Variants in KIF15 observed in about 807,000 individuals in gnomAD.
KIF15 encodes kinesin family member 15.
In KIF15, 140 loss-of-function variants were observed where a neutral mutation model predicts 190.6. That is an observed-to-expected ratio of 0.73 (90% CI 0.64 to 0.84). The LOEUF (loss-of-function observed/expected upper bound fraction) is 0.84, where lower values mean the gene tolerates loss of function less well. Ranked by LOEUF, KIF15 falls within the 40% of genes least tolerant of loss-of-function variation. KIF15 has a pLI of 0.00. For missense variants in KIF15, 1,372 were observed against 1,584.4 expected, an observed-to-expected ratio of 0.87 and a Z score of 2.28; for synonymous variants, 528 against 551.3, an observed-to-expected ratio of 0.96 and a Z score of 0.59.
At chr3:44,835,725 A>G (rs1033778857) in intron 26 of KIF15, among the ~76,000 whole-genome samples, 3 of 152,242 alleles carry the variant, frequency 2.0e-5, no homozygotes, top group African/African-American at 7.2e-5. Context: ...CCACAAATAG[A>G]GAGCAGTGAA....
At chr3:44,811,436 A>C (rs1318484872) in intron 17 of KIF15, among the ~76,000 whole-genome samples, 1 of 152,184 alleles carries the variant, frequency 6.6e-6, no homozygotes, top group African/African-American at 2.4e-5. Flanking sequence ...ACGTGAGATC[A>C]AGAGTTTGAG....
At chr3:44,806,423 G>A (rs1282063730) in intron 16 of KIF15, among the ~76,000 whole-genome samples, 1 of 152,046 alleles carries the variant, frequency 6.6e-6, no homozygotes, top group East Asian at 1.9e-4. Flanking sequence ...ACCCTAATGG[G>A]CAAAGACCGC....
chr3:44,768,379 C>T (rs1443116869), intron 1 of KIF15, among the ~76,000 whole-genome samples: 1 of 152,080 alleles, frequency 6.6e-6, no homozygotes, highest in Non-Finnish European at 1.5e-5. Flanking sequence ...AAAAATCAGG[C>T]ACGCGGACAC....
intron 27 of KIF15, among the ~76,000 whole-genome samples, chr3:44,838,746 T>TAA (rs1698447323): frequency 8.9e-6 from 1 of 112,162 alleles, no homozygotes; most frequent in African/African-American, 3.9e-5. Flanking sequence ...AGACCCTGTC[T>TAA]CAAAAAAAAA....
chr3:44,822,900 A>G (rs1697425074), intron 20 of KIF15, among the ~76,000 whole-genome samples: 1 of 152,074 alleles, frequency 6.6e-6, no homozygotes. Context: ...CTAGTTAGCC[A>G]TTCGTCTAAT....
chr3:44,806,089 C>T, intron 16 of KIF15, 103 bp downstream of exon 16: 1 of 1,297,266 alleles, frequency 7.7e-7, no homozygotes. Flanking sequence ...GATGACATCC[C>T]ATGCAGGTAA....
intron 32 of KIF15, among the ~76,000 whole-genome samples, chr3:44,850,532 C>T (rs1413251860): frequency 6.6e-6 from 1 of 152,204 alleles, no homozygotes; most frequent in East Asian, 1.9e-4. Flanking sequence ...GCAGGCCAAA[C>T]TTCACTGCGG....
At chr3:44,864,012 ATGGGTCTGC>A (rs1171713178) in intron 6 of KIF15, 1 of 595,018 alleles carries the variant, frequency 1.7e-6, no homozygotes, top group Non-Finnish European at 2.9e-6. Context: ...TATTTGTAAG[ATGGGTCTGC>A]TGCCCACTGA....
chr3:44,860,165 C>T (rs954499748), intron 6 of KIF15, among the ~76,000 whole-genome samples: 3 of 152,114 alleles, frequency 2.0e-5, no homozygotes, highest in African/African-American at 7.2e-5. Context: ...GTAGAGGCAT[C>T]GTTTGTTCTA....
At chr3:44,856,389 A>G (rs1699189205), downstream of KIF15, among the ~76,000 whole-genome samples, 1 of 152,314 alleles carries the variant, frequency 6.6e-6, no homozygotes, top group African/African-American at 2.4e-5. Flanking sequence ...TTGAGGACAG[A>G]TTTCCACGAT....
At chr3:44,813,744 C>G (rs968170203) in intron 19 of KIF15, among the ~76,000 whole-genome samples, 3 of 151,340 alleles carry the variant, frequency 2.0e-5, no homozygotes, top group African/African-American at 7.3e-5. Flanking sequence ...GTTCTCCTGT[C>G]TCCTCCCAAG....
chr3:44,768,757 G>A (rs574745332), intron 1 of KIF15, among the ~76,000 whole-genome samples: 58 of 152,270 alleles, frequency 3.8e-4, no homozygotes, highest in African/African-American at 1.4e-3. Context: ...GAAAATGGCA[G>A]TCAGATTTCC....
chr3:44,841,690 G>A (rs578177460), intron 29 of KIF15, among the ~76,000 whole-genome samples: 21 of 152,074 alleles, frequency 1.4e-4, no homozygotes, highest in South Asian at 6.2e-4. Context: ...GAGCCACCGC[G>A]CCTGGCCAAT....
intron 3 of KIF15, among the ~76,000 whole-genome samples, chr3:44,775,738 GCCA>G (rs971586401): frequency 6.6e-6 from 1 of 151,834 alleles, no homozygotes; most frequent in Non-Finnish European, 1.5e-5. Context: ...ACAGGTGTGA[GCCA>G]CCTCGCTGGA....
intron 6 of KIF15, chr3:44,862,190 C>T: frequency 4.9e-6 from 2 of 411,496 alleles, no homozygotes; most frequent in Non-Finnish European, 6.6e-6. Context: ...AGGAGGGGCG[C>T]TGCGGGGCCC....
intron 30 of KIF15, among the ~76,000 whole-genome samples, chr3:44,843,868 A>G (rs185966161): frequency 2.0e-5 from 3 of 152,336 alleles, no homozygotes; most frequent in Admixed American, 2.0e-4. Flanking sequence ...AATGAAGAAA[A>G]TGTTCATTTT....
Position 44,783,535 on chromosome 3 carries a change from A to G in KIF15, c.362-1310A>G, listed in dbSNP as rs539241474. Among the ~76,000 whole-genome samples the G allele has an allele frequency of 4.9e-4, 74 of 152,244 alleles. 1 individual carries two copies. In the South Asian group the frequency reaches 0.014, roughly 29 times the overall value. On this transcript the variant is annotated intron_variant, in intron 5 of 34. Coordinates refer to ENST00000326047, the MANE Select transcript of KIF15 (RefSeq NM_020242.3). ...AAATGTCCCAGCAGGCGACACCTCC[A>G]ACAGTGGGGATCAAATTTCAACATG... is the stretch of plus-strand genomic sequence containing the variant.
intron 1 of KIF15, among the ~76,000 whole-genome samples, chr3:44,762,212 G>A (rs1437411873): frequency 1.3e-5 from 2 of 152,144 alleles, no homozygotes; most frequent in Non-Finnish European, 2.9e-5. Flanking sequence ...TCCCGACCAG[G>A]GCTACCTCTC....
At chr3:44,769,375 G>C (rs371533777) in intron 1 of KIF15, among the ~76,000 whole-genome samples, 1 of 152,106 alleles carries the variant, frequency 6.6e-6, no homozygotes, top group African/African-American at 2.4e-5. Flanking sequence ...AGAAAGTGAC[G>C]TGCCCCTTTT....
Sources: allele counts gnomAD v4.1 joint callset (sites outside exome capture counted in the v4.1 genomes callset), GRCh38; gene constraint gnomAD v4.1.1; transcripts MANE v1.5; gene names NCBI Gene and HGNC (gene_info 2026-07-23, HGNC 2026-07-21).